The following ZNF670 variants were observed in gnomAD, a reference collection of about 807,000 sequenced individuals.
ZNF670 encodes zinc finger protein 670.
ZNF670 carries 7 observed loss-of-function variants against 10.9 expected under a neutral mutation model. That is an observed-to-expected ratio of 0.64 (90% CI 0.36 to 1.20). The LOEUF is 1.20. Ranked by LOEUF, ZNF670 falls within the 50% of genes most tolerant of loss-of-function variation. The pLI is 0.02. For missense variants in ZNF670, 446 were observed against 458.6 expected (o/e 0.97, Z 0.25); for synonymous variants, 136 against 152.7 (o/e 0.89, Z 0.81).
chr1:247,078,680 C>T lies in ZNF670; in HGVS notation c.-84G>A. The T allele has an allele frequency of 6.7e-7, 1 of 1,485,826 alleles. No homozygotes were observed. Among genetic ancestry groups the T allele is most frequent in the Non-Finnish European group, 9.3e-7 (1 of 1,069,916 alleles). 92.0% of individuals were successfully genotyped at this position (1,485,826 alleles called of 1,614,324 possible). A position where few individuals can be genotyped will look rare whatever the true frequency, so the allele number is the denominator to read the frequency against. On this transcript the variant is annotated 5_prime_UTR_variant, in exon 1 of 4. Coordinates refer to ENST00000366503, the MANE Select transcript of ZNF670 (RefSeq NM_033213.5). The stretch of plus-strand genomic sequence containing the variant: ...AGAGCAACAGAAGCTGCCGCGGGAC[C>T]ACTTGGACCTCCCAGGGATAAGGGG...
At chr1:247,040,746 G>A (rs888622130) in intron 1 of ZNF670, among the ~76,000 whole-genome samples, 1 of 152,050 alleles carries the variant, frequency 6.6e-6, no homozygotes, top group Non-Finnish European at 1.5e-5. Context: ...GGGCTGGAGT[G>A]CAATGGCGTG....
intron 1 of ZNF670, among the ~76,000 whole-genome samples, chr1:247,069,756 G>A (rs1671072931): frequency 6.6e-6 from 1 of 152,148 alleles, no homozygotes; most frequent in South Asian, 2.1e-4. Context: ...AAGACAAACA[G>A]CACAAGTTCT....
At chr1:247,051,960 T>C (rs910670348) in intron 1 of ZNF670, among the ~76,000 whole-genome samples, 1 of 151,718 alleles carries the variant, frequency 6.6e-6, no homozygotes, top group Non-Finnish European at 1.5e-5. Context: ...TGATGATATG[T>C]GTTTGGAGAT....
intron 1 of ZNF670, among the ~76,000 whole-genome samples, chr1:247,051,157 A>C (rs865839533): frequency 6.6e-6 from 1 of 151,968 alleles, no homozygotes; most frequent in African/African-American, 2.4e-5. Flanking sequence ...AAATACAAAA[A>C]ATTAGCCGGG....
chr1:247,070,043 C>T (rs369733973), intron 1 of ZNF670, among the ~76,000 whole-genome samples: 1 of 151,882 alleles, frequency 6.6e-6, no homozygotes, highest in Admixed American at 6.6e-5. Flanking sequence ...GGATGGACAC[C>T]CCATTCTCCA....
chr1:247,066,399 T>A (rs1670980811), intron 1 of ZNF670, among the ~76,000 whole-genome samples: 1 of 152,112 alleles, frequency 6.6e-6, no homozygotes, highest in Non-Finnish European at 1.5e-5. Context: ...CATGGACACT[T>A]GAGCTGGAAA....
chr1:247,055,233 G>A (rs563453252), intron 1 of ZNF670, among the ~76,000 whole-genome samples: 45 of 152,368 alleles, frequency 3.0e-4, no homozygotes, highest in African/African-American at 1.0e-3. Context: ...CACGTACATG[G>A]TGGGCTCTGG....
At chr1:247,048,270 A>G (rs964527352) in intron 1 of ZNF670, among the ~76,000 whole-genome samples, 3 of 152,190 alleles carry the variant, frequency 2.0e-5, no homozygotes, top group African/African-American at 7.2e-5. Context: ...TCAATTTCAA[A>G]GTTCTGCAGA....
intron 1 of ZNF670, among the ~76,000 whole-genome samples, chr1:247,068,687 A>G (rs949176116): frequency 6.6e-6 from 1 of 150,798 alleles, no homozygotes; most frequent in Non-Finnish European, 1.5e-5. Context: ...GGAAACCAGT[A>G]TATCAAAGAG....
At chr1:247,042,738 C>A in intron 1 of ZNF670, 3 of 393,688 alleles carry the variant, frequency 7.6e-6, no homozygotes, top group South Asian at 6.0e-5. Flanking sequence ...TCCAGTAGAG[C>A]AAGTAGGCAT....
At chr1:247,062,336 C>T (rs1670877672) in intron 1 of ZNF670, among the ~76,000 whole-genome samples, 1 of 152,062 alleles carries the variant, frequency 6.6e-6, no homozygotes, top group Non-Finnish European at 1.5e-5. Context: ...ATTTATTCCA[C>T]ATGTTTAGGG....
intron 1 of ZNF670, among the ~76,000 whole-genome samples, chr1:247,049,534 C>T (rs78582142): frequency 6.6e-5 from 10 of 152,058 alleles, no homozygotes; most frequent in African/African-American, 2.4e-4. Flanking sequence ...TTGCTCTGAT[C>T]TTTGTTAGTT....
intron 1 of ZNF670, among the ~76,000 whole-genome samples, chr1:247,058,679 T>C (rs1350474567): frequency 6.9e-6 from 1 of 145,188 alleles, no homozygotes; most frequent in Non-Finnish European, 1.5e-5. Flanking sequence ...TAAAAGAGGT[T>C]CCATCATTAC....
In ZNF670 at chr1:247,078,618, G is replaced by T. The variant is rs776394826; in HGVS notation, c.-22C>A. The T allele has an allele frequency of 1.2e-6, 2 of 1,613,546 alleles. No individual in the cohort carries two copies. Among genetic ancestry groups the T allele is most frequent in the African/African-American group, 1.3e-5 (1 of 74,850 alleles). On this transcript the variant is annotated 5_prime_UTR_variant, in exon 1 of 4. Coordinates refer to ENST00000366503, the MANE Select transcript of ZNF670 (RefSeq NM_033213.5). ...CCATTTCCCAGTCTCCGGTGTCTGG[G>T]GTCCTCCCTAAGGACCTTCCGGGAC...
Position 247,068,629 on chromosome 1 carries a change from C to T in ZNF670, c.3+9965G>A, listed in dbSNP as rs150556853. Among the ~76,000 whole-genome samples, 155 of 150,494 alleles carry T rather than the reference C, an allele frequency of 1.0e-3. 11 individuals carry two copies. The highest frequency in any genetic ancestry group is 3.7e-3 in the African/African-American group (150 of 40,050). On this transcript the variant is annotated intron_variant, in intron 1 of 3. Coordinates refer to ENST00000366503, the MANE Select transcript of ZNF670 (RefSeq NM_033213.5). The stretch of plus-strand genomic sequence containing the variant: ...TTCCTCAAAGGACTAAAAATTGAGC[C>T]GCCATATGATCCTGCAATCTCACTG...
rs1670121595 is a variant in ZNF670, at chr1:247,035,244, TG to T, written c.*2204del. The stretch of plus-strand genomic sequence containing the variant: ...GGAAAAATTAGGACCCTAAGACTAC[TG>T]GGAAAAACACGTGACACCCATGAGT... On this transcript the variant is annotated 3_prime_UTR_variant, in exon 4 of 4. Transcript: ENST00000366503. Among the ~76,000 whole-genome samples the T allele has an allele frequency of 6.6e-6, 1 of 152,136 alleles. No homozygotes were observed. Among genetic ancestry groups the T allele is most frequent in the African/African-American group, 2.4e-5 (1 of 41,424 alleles).
Position 247,037,453 on chromosome 1 carries a change from C to A in ZNF670, c.1166G>T (p.Trp389Leu), listed in dbSNP as rs1407981762. The A allele has an allele frequency of 8.2e-6, 13 of 1,582,302 alleles. No homozygotes were observed. The highest frequency in any genetic ancestry group is 1.7e-4 in the Middle Eastern group (1 of 5,860). The part of the protein sequence containing the change: ...SLRKHERAYM[W>L] The stretch of plus-strand genomic sequence containing the variant: ...GTGTTTTGTTGTTGTTGTTTTTTAC[C>A]ACATATAAGCTCTTTCATGCTTTCG... The change falls in exon 4 of 4, where the codon TGG becomes TTG. Residue 389 changes from tryptophan to leucine, a missense_variant. Coordinates refer to ENST00000366503, the MANE Select transcript of ZNF670 (RefSeq NM_033213.5).
intron 1 of ZNF670, among the ~76,000 whole-genome samples, chr1:247,067,027 G>A (rs1199695544): frequency 3.3e-5 from 5 of 152,072 alleles, no homozygotes; most frequent in African/African-American, 4.8e-5. Context: ...TCCCTAAAAC[G>A]TATAAAAGTA....
rs553657654 is a variant in ZNF670, at chr1:247,063,672, AG to A, written c.3+14921del. On this transcript the variant is annotated intron_variant, in intron 1 of 3. Transcript: ENST00000366503. ...TGGGAAGGACAAGACAGTGGATTTG[AG>A]ACTCTGTTTTTCATACATCTTGAAG... Among the ~76,000 whole-genome samples, 69 of 150,774 alleles carry A rather than the reference AG, an allele frequency of 4.6e-4. 1 individual carries two copies. In the Middle Eastern group the frequency reaches 0.024, roughly 52 times the overall value.
Sources: gnomAD v4.1 joint callset for allele counts (sites outside exome capture counted in the v4.1 genomes callset) on GRCh38, gnomAD v4.1.1 for gene constraint, MANE v1.5 for transcripts, NCBI Gene and HGNC (gene_info 2026-07-23, HGNC 2026-07-21) for gene names.